EVC: variants seen among roughly 807,000 people sequenced by gnomAD.
EVC encodes the protein evC complex member EVC.
Under a neutral mutation model 118.9 loss-of-function variants are expected in EVC, and 116 were observed. The observed-to-expected ratio is 0.98, with a 90% CI of 0.84 to 1.14. The LOEUF (loss-of-function observed/expected upper bound fraction) is 1.14. Among genes scored for constraint, EVC ranks in the 50% most tolerant of loss-of-function variants. The pLI is 0.00. For missense variants in EVC, 1,401 were observed against 1,246.4 expected, an observed-to-expected ratio of 1.12 and a Z score of -1.87; for synonymous variants, 619 against 534.7, an observed-to-expected ratio of 1.16 and a Z score of -2.18.
chr4:5,730,591 T>C (rs916484351), intron 3 of EVC, among the ~76,000 whole-genome samples: 1 of 151,980 alleles, frequency 6.6e-6, no homozygotes, highest in African/African-American at 2.4e-5. Flanking sequence ...AGGCCCTCAC[T>C]GCCTGAGTGG....
Position 5,737,920 on chromosome 4 carries a change from T to G in EVC, c.703-3796T>G, listed in dbSNP as rs900365157. Among the ~76,000 whole-genome samples, 1 of 152,258 alleles carries G rather than the reference T, an allele frequency of 6.6e-6. No individual in the cohort carries two copies. Among genetic ancestry groups the G allele is most frequent in the Non-Finnish European group, 1.5e-5 (1 of 68,050 alleles). On this transcript the variant is annotated intron_variant, in intron 5 of 20. Transcript: ENST00000264956. This position sits in a 1 kb window ranked among gnomAD's most constrained non-coding sequence, Gnocchi z 5.0. ...TTAAGAAATACATTTCCTAAGGCTC[T>G]AACTGCCATACATAGTGATTCCTCT...
chr4:5,810,330 C>A lies in EVC; in HGVS notation c.2783-9C>A. The A allele has an allele frequency of 1.2e-6, 2 of 1,607,440 alleles. No individual in the cohort carries two copies. The highest frequency in any genetic ancestry group is 1.7e-4 in the Middle Eastern group (1 of 6,056). On this transcript the variant is annotated splice_polypyrimidine_tract_variant and intron_variant, in intron 19 of 20. Transcript: ENST00000264956. ...CAGAGCCATGCCTGGGTTCATCTGT[C>A]CTCTACAGAGAAGCCCCTAAGGACT...
rs6811452 is a variant in EVC, at chr4:5,749,438, G to A, written c.1098+1132G>A. On this transcript the variant is annotated intron_variant, in intron 8 of 20. Coordinates refer to ENST00000264956, the MANE Select transcript of EVC (RefSeq NM_153717.3). This position sits in a 1 kb window ranked among gnomAD's most constrained non-coding sequence, Gnocchi z 4.4. ...CTCACATTCAAAGGGTTGGACACCC[G>A]TGGGAGAGAAATCTGCGAATCCAGC... Among the ~76,000 whole-genome samples the A allele has an allele frequency of 0.83, 125,761 of 151,888 alleles. 52,498 individuals are homozygous for A. The highest frequency in any genetic ancestry group is 0.95 in the African/African-American group (39,304 of 41,450).
At chr4:5,823,885 G>A in the EVC span, among the ~76,000 whole-genome samples, 4 of 152,178 alleles carry the variant, frequency 2.6e-5, no homozygotes, top group East Asian at 5.8e-4. Flanking sequence ...GCTCTATAAC[G>A]TAACATACGC....
At chr4:5,777,924 G>C (rs1431661293) in intron 11 of EVC, among the ~76,000 whole-genome samples, 2 of 151,990 alleles carry the variant, frequency 1.3e-5, no homozygotes, top group Non-Finnish European at 2.9e-5. Context: ...TGACATGCTG[G>C]TGCGCTGCAC....
intron 5 of EVC, among the ~76,000 whole-genome samples, chr4:5,734,054 C>G (rs893466767): frequency 2.0e-5 from 3 of 152,222 alleles, no homozygotes; most frequent in African/African-American, 7.2e-5. Flanking sequence ...ACATTAGTCT[C>G]TGCCAGATGC....
At chr4:5,774,942 C>T (rs755460960) in intron 11 of EVC, among the ~76,000 whole-genome samples, 6 of 152,276 alleles carry the variant, frequency 3.9e-5, no homozygotes, top group East Asian at 1.9e-4. Flanking sequence ...TGACAAAGAA[C>T]GCAGACTTGA....
chr4:5,783,316 A>G (rs575693113), intron 11 of EVC, among the ~76,000 whole-genome samples: 1 of 148,376 alleles, frequency 6.7e-6, no homozygotes, highest in South Asian at 2.1e-4. Flanking sequence ...GTCTGTGTGT[A>G]CAAGTGTGTG....
intron 2 of EVC, 58 bp from the exon 3 acceptor site, chr4:5,729,249 C>A: frequency 6.4e-7 from 1 of 1,555,782 alleles, no homozygotes; most frequent in Non-Finnish European, 8.9e-7. Flanking sequence ...AAAAACTTGA[C>A]AACTTATCCT....
intron 5 of EVC, among the ~76,000 whole-genome samples, chr4:5,741,417 G>A (rs1036537008): frequency 4.3e-4 from 66 of 152,198 alleles, no homozygotes; most frequent in African/African-American, 1.5e-3. Flanking sequence ...CATGGAAATG[G>A]GGGATGTGGA....
intron 18 of EVC, 39 bp from the exon 19 acceptor site, chr4:5,809,479 G>A: frequency 6.3e-7 from 1 of 1,576,794 alleles, no homozygotes; most frequent in Admixed American, 1.7e-5. Context: ...GAAGTCAGAG[G>A]GAGGCCCAGC....
At position 5,811,415 on chromosome 4, in the gene EVC, G is replaced by A. The variant is rs987319646; in HGVS notation, c.*378G>A. 7 of 312,034 alleles carry A rather than the reference G, an allele frequency of 2.2e-5. No homozygotes were observed. Among genetic ancestry groups the A allele is most frequent in the Non-Finnish European group, 3.7e-5 (6 of 162,950 alleles). The allele number at this position is 312,034 out of a possible 1,614,324, so 19.3% of individuals were successfully genotyped here. A position where few individuals can be genotyped will look rare whatever the true frequency, so the allele number is the denominator to read the frequency against. On this transcript the variant is annotated 3_prime_UTR_variant, in exon 21 of 21. Coordinates refer to ENST00000264956, the MANE Select transcript of EVC (RefSeq NM_153717.3). ...GGCCTGTCTGGGCCCATCTGGGGCT[G>A]AGGACACACAGATACATAATGACAC...
rs531339274 is a variant in EVC, at chr4:5,746,748, C to G, written c.940-1400C>G. On this transcript the variant is annotated intron_variant, in intron 7 of 20. Transcript: ENST00000264956. The surrounding 1 kb of genome is among the most constrained non-coding windows in gnomAD (Gnocchi z 5.8). ...TGGTGACCTCCAAAAATGGTGACCTCTGGCCTAGAAATGGTGTGTAAAATG... is the reference window on the plus strand; with the variant it reads ...TGGTGACCTCCAAAAATGGTGACCTGTGGCCTAGAAATGGTGTGTAAAATG... Among the ~76,000 whole-genome samples, 7 of 152,138 alleles carry G rather than the reference C, an allele frequency of 4.6e-5. No individual in the cohort carries two copies. Among genetic ancestry groups the G allele is most frequent in the Non-Finnish European group, 8.8e-5 (6 of 68,044 alleles).
At position 5,738,896 on chromosome 4, in the gene EVC, C is replaced by T. The variant is rs1229285479; in HGVS notation, c.703-2820C>T. Among the ~76,000 whole-genome samples the T allele has an allele frequency of 1.3e-5, 2 of 152,054 alleles. No individual in the cohort carries two copies. Among genetic ancestry groups the T allele is most frequent in the Non-Finnish European group, 2.9e-5 (2 of 68,018 alleles). The stretch of plus-strand genomic sequence containing the variant: ...ACTTTTTTTTAATAATCATCTTAGG[C>T]TCAGATGATCATTAGCATTTTTTAG... On this transcript the variant is annotated intron_variant, in intron 5 of 20. Coordinates refer to ENST00000264956, the MANE Select transcript of EVC (RefSeq NM_153717.3). The surrounding 1 kb of genome is among the most constrained non-coding windows in gnomAD (Gnocchi z 6.5).
At chr4:5,794,580 T>C (rs1378832718) in intron 13 of EVC, among the ~76,000 whole-genome samples, 1 of 151,230 alleles carries the variant, frequency 6.6e-6, no homozygotes, top group Non-Finnish European at 1.5e-5. Context: ...CTGGCTAATT[T>C]TTGTATTTTT....
intron 17 of EVC, among the ~76,000 whole-genome samples, chr4:5,805,310 T>C (rs1715684174): frequency 6.6e-6 from 1 of 152,150 alleles, no homozygotes; most frequent in Admixed American, 6.5e-5. Context: ...GCCCAAGCCA[T>C]GTAGACTGCC....
Position 5,756,372 on chromosome 4 carries a change from C to G in EVC, c.1563+10C>G. The G allele has an allele frequency of 6.3e-7, 1 of 1,599,638 alleles. No individual in the cohort carries two copies. The highest frequency in any genetic ancestry group is 1.3e-5 in the African/African-American group (1 of 74,872). ...GGTTGCACTCTGCCAGGTACATGGCCTCTGTGGGGACCAGCAGAGAAGCCC... is the reference window on the plus strand; with the variant it reads ...GGTTGCACTCTGCCAGGTACATGGCGTCTGTGGGGACCAGCAGAGAAGCCC... On this transcript the variant is annotated intron_variant, in intron 11 of 20. Coordinates refer to ENST00000264956, the MANE Select transcript of EVC (RefSeq NM_153717.3). The surrounding 1 kb of genome is among the most constrained non-coding windows in gnomAD (Gnocchi z 4.2).
Position 5,711,308 on chromosome 4 carries a change from C to T in EVC, c.-73C>T. 2.0e-6 allele frequency: 2 copies of T among 978,816 alleles called. No individual in the cohort carries two copies. Among genetic ancestry groups the T allele is most frequent in the South Asian group, 4.7e-5 (1 of 21,136 alleles). The allele number at this position is 978,816 out of a possible 1,614,324, so 60.6% of individuals were successfully genotyped here. ...CCCTGGCCCGCCCGGGCTCCAAGTC[C>T]CGCGTCGCCGCCCTGGCGGGGACGG... is the stretch of plus-strand genomic sequence containing the variant. On this transcript the variant is annotated 5_prime_UTR_variant, in exon 1 of 21. Transcript: ENST00000264956.
chr4:5,781,729 ATT>A (rs1415227957), intron 11 of EVC, among the ~76,000 whole-genome samples: 1 of 152,140 alleles, frequency 6.6e-6, no homozygotes, highest in Admixed American at 6.5e-5. Flanking sequence ...AGTCCCAGCT[ATT>A]TGGGAGGCTG....
Sources: gnomAD v4.1 joint callset for allele counts (sites outside exome capture counted in the v4.1 genomes callset) on GRCh38, gnomAD v4.1.1 for gene constraint, Gnocchi (gnomAD v3.1) non-coding constraint, MANE v1.5 for transcripts, NCBI Gene and HGNC (gene_info 2026-07-23, HGNC 2026-07-21) for gene names.